Variants in BPIFC observed in about 807,000 individuals in gnomAD.
The protein encoded by BPIFC is BPI fold containing family C.
In BPIFC, 60 loss-of-function variants were observed where a neutral mutation model predicts 57.6. The observed-to-expected ratio is 1.04, with a 90% CI of 0.85 to 1.29. BPIFC has a LOEUF of 1.29. Among genes scored for constraint, BPIFC ranks in the 50% most tolerant of loss-of-function variants. The pLI, the probability that BPIFC is intolerant of heterozygous loss-of-function variation, is 0.00. For missense variants in BPIFC, 581 were observed against 600.5 expected (o/e 0.97, Z 0.34); for synonymous variants, 243 against 224.5 (o/e 1.08, Z -0.74).
Position 32,428,991 on chromosome 22 carries a change from T to A in BPIFC, c.1217+2356A>T, listed in dbSNP as rs545314836. ...AAAAGAACCCTCTCATAATCCCATATCCTAATACAACTCTTCATTTTCAGT... is the reference window on the plus strand; with the variant it reads ...AAAAGAACCCTCTCATAATCCCATAACCTAATACAACTCTTCATTTTCAGT... On this transcript the variant is annotated intron_variant, in intron 13 of 16. Coordinates refer to ENST00000300399, the MANE Select transcript of BPIFC (RefSeq NM_174932.3). 3.3e-5 allele frequency among the ~76,000 whole-genome samples: 5 copies of A among 152,216 alleles called. No homozygotes were observed. The South Asian group carries it at 1.0e-3, about 32-fold the overall frequency.
chr22:32,452,463 C>T (rs1023425687), intron 4 of BPIFC, among the ~76,000 whole-genome samples: 8 of 151,588 alleles, frequency 5.3e-5, no homozygotes, highest in South Asian at 2.1e-4. Flanking sequence ...GGTGAAACCC[C>T]GTCTCTACTA....
At chr22:32,454,125 T>C (rs1211363154) in intron 3 of BPIFC, among the ~76,000 whole-genome samples, 1 of 152,144 alleles carries the variant, frequency 6.6e-6, no homozygotes, top group East Asian at 1.9e-4. Flanking sequence ...AGAAGTTCAC[T>C]GTTGCCCAAA....
intron 1 of BPIFC, among the ~76,000 whole-genome samples, chr22:32,461,909 C>G (rs1305625555): frequency 6.6e-6 from 1 of 152,018 alleles, no homozygotes; most frequent in Non-Finnish European, 1.5e-5. Flanking sequence ...CGTGGTGGCT[C>G]ACGCCTATAA....
chr22:32,428,121 T>C (rs1206824855), intron 13 of BPIFC, among the ~76,000 whole-genome samples: 1 of 152,172 alleles, frequency 6.6e-6, no homozygotes, highest in Non-Finnish European at 1.5e-5. Flanking sequence ...GGCACTTTTG[T>C]CTTTGGGGAC....
At chr22:32,447,467 C>T in intron 4 of BPIFC, 127 bp from the exon 5 acceptor site, 2 of 1,129,606 alleles carry the variant, frequency 1.8e-6, no homozygotes, top group Non-Finnish European at 2.4e-6. Flanking sequence ...GAGAAAAGAA[C>T]CTCCTGTCTG....
intron 10 of BPIFC, among the ~76,000 whole-genome samples, chr22:32,435,126 CT>C (rs1432679177): frequency 6.6e-6 from 1 of 152,098 alleles, no homozygotes; most frequent in Non-Finnish European, 1.5e-5. Flanking sequence ...TATTATCTGC[CT>C]TTTCCAGATG....
At position 32,447,200 on chromosome 22, in the gene BPIFC, T is replaced by C. The variant is rs780112956; in HGVS notation, c.374+12A>G. The C allele has an allele frequency of 3.4e-5, 53 of 1,578,554 alleles. 1 individual carries two copies. In the Admixed American group the frequency reaches 8.6e-4, roughly 26 times the overall value. The stretch of plus-strand genomic sequence containing the variant: ...CCCAGAACAGCTGCAGACATTTCAG[T>C]GGAATACTCACAAAAGTGGAGACTC... On this transcript the variant is annotated intron_variant, in intron 5 of 16. Coordinates refer to ENST00000300399, the MANE Select transcript of BPIFC (RefSeq NM_174932.3).
chr22:32,441,124 C>T (rs1329170645), intron 8 of BPIFC, among the ~76,000 whole-genome samples: 1 of 152,162 alleles, frequency 6.6e-6, no homozygotes, highest in Non-Finnish European at 1.5e-5. Flanking sequence ...TTCTCACAGC[C>T]TCCCCAGCAC....
chr22:32,414,539 T>TTTTG, intron 16 of BPIFC, 114 bp from the exon 17 acceptor site: 1 of 1,143,650 alleles, frequency 8.7e-7, no homozygotes. Context: ...TGAGATGGAG[T>TTTTG]CTCAAAGGCT....
intron 4 of BPIFC, among the ~76,000 whole-genome samples, chr22:32,451,276 T>C (rs559903018): frequency 1.3e-5 from 2 of 152,358 alleles, no homozygotes; most frequent in African/African-American, 4.8e-5. Context: ...TCTATCATAG[T>C]TGGACATTTG....
At chr22:32,426,882 ACT>A (rs1820619561) in intron 13 of BPIFC, among the ~76,000 whole-genome samples, 1 of 135,280 alleles carries the variant, frequency 7.4e-6, no homozygotes, top group South Asian at 2.5e-4. Flanking sequence ...ACAGAGCAAG[ACT>A]CTGTCTGAAA....
At chr22:32,442,036 A>G (rs769169608) in intron 8 of BPIFC, among the ~76,000 whole-genome samples, 2 of 152,040 alleles carry the variant, frequency 1.3e-5, no homozygotes, top group Non-Finnish European at 2.9e-5. Context: ...CCCACTGTTC[A>G]CCTCCGGCTG....
rs1294406031 is a variant in BPIFC, at chr22:32,435,805, T to C, written c.823A>G (p.Asn275Asp). 3 of 1,614,142 alleles carry C rather than the reference T, an allele frequency of 1.9e-6. No individual in the cohort carries two copies. The highest frequency in any genetic ancestry group is 2.2e-5 in the South Asian group (2 of 91,078). Residue 275 changes from asparagine (N) to aspartate (D), a missense_variant, in exon 10 of 17, where the codon AAC becomes GAC. Coordinates refer to ENST00000300399, the MANE Select transcript of BPIFC (RefSeq NM_174932.3). Reference protein sequence around the residue: ...PVPFVLPERSNSMLYIGIAEY... With the variant: ...PVPFVLPERSDSMLYIGIAEY... The stretch of plus-strand genomic sequence containing the variant: ...GCGATTCCAATGTAGAGCATGGAGT[T>C]GCTGCGTTCTGGGAGCACAAAAGGA...
At chr22:32,462,005 A>G (rs1315219476) in intron 1 of BPIFC, among the ~76,000 whole-genome samples, 1 of 152,006 alleles carries the variant, frequency 6.6e-6, no homozygotes, top group African/African-American at 2.4e-5. Context: ...AACTGTCTCT[A>G]CTAAAAATAC....
chr22:32,436,432 GAGA>G (rs1403252692), intron 9 of BPIFC, among the ~76,000 whole-genome samples: 1 of 149,610 alleles, frequency 6.7e-6, no homozygotes, highest in Admixed American at 6.7e-5. Flanking sequence ...GAAGGAGAAG[GAGA>G]AGGAGAAGAA....
At chr22:32,434,563 A>G (rs1226105658) in intron 10 of BPIFC, among the ~76,000 whole-genome samples, 1 of 151,690 alleles carries the variant, frequency 6.6e-6, no homozygotes, top group Non-Finnish European at 1.5e-5. Flanking sequence ...TCACTTATAT[A>G]TATTACAATC....
intron 7 of BPIFC, among the ~76,000 whole-genome samples, chr22:32,444,405 A>G (rs958366428): frequency 3.0e-4 from 45 of 152,158 alleles, no homozygotes; most frequent in African/African-American, 9.4e-4. Flanking sequence ...AGCACCTATA[A>G]TGTCTGTCAA....
At chr22:32,449,692 T>C (rs932152175) in intron 4 of BPIFC, among the ~76,000 whole-genome samples, 3 of 152,160 alleles carry the variant, frequency 2.0e-5, no homozygotes, top group African/African-American at 4.8e-5. Flanking sequence ...ATATACAATG[T>C]CACAGTGAAC....
At chr22:32,460,620 T>C (rs1601489530) in intron 2 of BPIFC, among the ~76,000 whole-genome samples, 2 of 152,216 alleles carry the variant, frequency 1.3e-5, no homozygotes, top group South Asian at 4.1e-4. Flanking sequence ...CCTAATGCTA[T>C]TGCCTATGTT....
Sources: allele counts gnomAD v4.1 joint callset (sites outside exome capture counted in the v4.1 genomes callset), GRCh38; gene constraint gnomAD v4.1.1; transcripts MANE v1.5; gene names NCBI Gene and HGNC (gene_info 2026-07-23, HGNC 2026-07-21).